The following VCL variants were observed in gnomAD, a reference collection of about 807,000 sequenced individuals.
The protein encoded by VCL is epididymis luminal protein 114.
In VCL, 47 loss-of-function variants were observed where a neutral mutation model predicts 125.7. The ratio of observed to expected loss-of-function variants is 0.37; its 90% confidence interval spans 0.30 to 0.48. The LOEUF is 0.48. Ranked by LOEUF, VCL falls within the 20% of genes least tolerant of loss-of-function variation. VCL has a pLI of 0.99. For missense variants in VCL, 1,069 were observed against 1,455.5 expected, an observed-to-expected ratio of 0.73 and a Z score of 4.32; for synonymous variants, 458 against 514.6, an observed-to-expected ratio of 0.89 and a Z score of 1.49.
At chr10:74,037,147 T>C (rs1189876226) in intron 1 of VCL, among the ~76,000 whole-genome samples, 1 of 151,606 alleles carries the variant, frequency 6.6e-6, no homozygotes, top group East Asian at 1.9e-4. Flanking sequence ...CCTGACCTTG[T>C]GATCTACCCA....
intron 2 of VCL, among the ~76,000 whole-genome samples, chr10:74,047,321 G>A (rs879287315): frequency 1.3e-5 from 2 of 152,076 alleles, no homozygotes; most frequent in Non-Finnish European, 2.9e-5. Flanking sequence ...AAAACAAACC[G>A]TGATGGATTT....
intron 1 of VCL, among the ~76,000 whole-genome samples, chr10:74,018,696 A>C (rs116033841): frequency 2.2e-4 from 34 of 152,210 alleles, no homozygotes; most frequent in African/African-American, 7.7e-4. Flanking sequence ...AAAAAAACAA[A>C]ACTAACTTCA....
chr10:74,002,672 A>G (rs1840249181), intron 1 of VCL, among the ~76,000 whole-genome samples: 1 of 151,504 alleles, frequency 6.6e-6, no homozygotes, highest in South Asian at 2.1e-4. Flanking sequence ...TCACGAGGTC[A>G]AGAGATGGAG....
chr10:74,043,017 C>T, intron 1 of VCL, 66 bp from the exon 2 acceptor site: 1 of 1,397,090 alleles, frequency 7.2e-7, no homozygotes, highest in South Asian at 1.2e-5. Context: ...TTCAAATATG[C>T]TTAAGTAATA....
In VCL at chr10:74,072,769, A is replaced by G. The variant is rs1841681941; in HGVS notation, c.539A>G (p.Gln180Arg). The G allele has an allele frequency of 6.2e-6, 10 of 1,614,006 alleles. No individual in the cohort carries two copies. Among genetic ancestry groups the G allele is most frequent in the Non-Finnish European group, 8.5e-6 (10 of 1,180,006 alleles). The change falls in exon 5 of 22, where the codon CAG (glutamine) becomes CGG (arginine). Residue 180 changes from glutamine to arginine, a missense_variant. This residue lies in a region of VCL where 760 missense variants were observed against 928.9 expected (regional missense o/e 0.82). Coordinates refer to ENST00000211998, the MANE Select transcript of VCL (RefSeq NM_014000.3). ...GCCAAGATGATTGACGAGAGACAGC[A>G]GGAGCTCACTCACCAGGAGCACCGA... ...KMAKMIDERQ[Q>R]ELTHQEHRVM...
intron 17 of VCL, among the ~76,000 whole-genome samples, chr10:74,108,555 C>T (rs917527767): frequency 2.0e-5 from 3 of 152,060 alleles, no homozygotes; most frequent in East Asian, 1.9e-4. Context: ...TCTCAGCTCA[C>T]GGCAACCTCT....
intron 1 of VCL, chr10:74,027,481 T>G (rs1840793843): frequency 6.6e-6 from 1 of 151,540 alleles, no homozygotes; most frequent in Non-Finnish European, 1.5e-5. Flanking sequence ...GCCAACATGG[T>G]GAAACCCCGC....
In VCL at chr10:74,095,685, G is replaced by A. The variant is rs1269514419; in HGVS notation, c.1573G>A (p.Glu525Lys). ...GGCTGCCATCCGGGGGCTTGTGGCC[G>A]AAGGGCATCGTCTGGCTAATGTTAT... ...GQAAIRGLVA[E>K]GHRLANVMMG... The change falls in exon 12 of 22, where the codon GAA becomes AAA. Residue 525 changes from glutamate to lysine, a missense_variant. Physicochemically the swap from Glu to Lys is moderately conservative, Grantham distance 56. This residue lies in a region of VCL where 760 missense variants were observed against 928.9 expected (regional missense o/e 0.82). Transcript: ENST00000211998. The A allele has an allele frequency of 2.5e-6, 4 of 1,613,988 alleles. No individual in the cohort carries two copies. The highest frequency in any genetic ancestry group is 3.4e-6 in the Non-Finnish European group (4 of 1,180,032).
chr10:74,117,236 T>C (rs148836314), intron 21 of VCL, among the ~76,000 whole-genome samples: 1 of 152,214 alleles, frequency 6.6e-6, no homozygotes, highest in African/African-American at 2.4e-5. Context: ...GTGCACAAAA[T>C]TGACAAAAAT....
At chr10:74,033,920 A>G (rs1054792828) in intron 1 of VCL, among the ~76,000 whole-genome samples, 1 of 151,728 alleles carries the variant, frequency 6.6e-6, no homozygotes, top group Non-Finnish European at 1.5e-5. Context: ...TGCCTTTTTT[A>G]CACCTGCCCT....
intron 13 of VCL, among the ~76,000 whole-genome samples, chr10:74,099,956 C>A (rs886843820): frequency 6.6e-6 from 1 of 152,128 alleles, no homozygotes; most frequent in Non-Finnish European, 1.5e-5. Flanking sequence ...AACCAAGAGA[C>A]CTTTAGAGAT....
At chr10:74,078,039 C>T (rs980425241) in intron 6 of VCL, among the ~76,000 whole-genome samples, 1 of 151,914 alleles carries the variant, frequency 6.6e-6, no homozygotes, top group African/African-American at 2.4e-5. Context: ...TCTAATTCTA[C>T]CCTTTGTAAA....
chr10:74,043,005 G>A, intron 1 of VCL, 78 bp from the exon 2 acceptor site: 2 of 1,352,486 alleles, frequency 1.5e-6, no homozygotes, highest in Non-Finnish European at 2.1e-6. Flanking sequence ...TTAAGTATAT[G>A]TTTCAAATAT....
At chr10:74,094,909 C>T (rs1039638932) in intron 11 of VCL, among the ~76,000 whole-genome samples, 4 of 152,066 alleles carry the variant, frequency 2.6e-5, no homozygotes, top group Admixed American at 2.0e-4. Flanking sequence ...ATTCTAACCT[C>T]AGTGACAGAG....
intron 10 of VCL, among the ~76,000 whole-genome samples, chr10:74,090,615 A>C (rs921735447): frequency 6.6e-6 from 1 of 152,112 alleles, no homozygotes; most frequent in Non-Finnish European, 1.5e-5. Context: ...GAAGCGTAAG[A>C]ATGTACTTTC....
chr10:74,060,355 T>C (rs1478200562), intron 2 of VCL, among the ~76,000 whole-genome samples: 1 of 151,630 alleles, frequency 6.6e-6, no homozygotes, highest in Non-Finnish European at 1.5e-5. Flanking sequence ...AAAAGAACCC[T>C]TAAAAAGGAC....
intron 10 of VCL, among the ~76,000 whole-genome samples, chr10:74,092,427 T>G (rs1355181218): frequency 6.6e-6 from 1 of 152,322 alleles, no homozygotes; most frequent in Middle Eastern, 3.4e-3. Context: ...TGAGGTTCTT[T>G]GGTTGGAAGG....
chr10:74,077,799 A>T, intron 6 of VCL: 1 of 451,994 alleles, frequency 2.2e-6, no homozygotes, highest in South Asian at 1.6e-5. Context: ...ATAAGTTAAG[A>T]TTTTAAAGAG....
intron 1 of VCL, among the ~76,000 whole-genome samples, chr10:74,029,222 T>C (rs2136239043): frequency 6.6e-6 from 1 of 152,126 alleles, no homozygotes; most frequent in African/African-American, 2.4e-5. Context: ...CATGCCATTC[T>C]CCTGCCTCAG....
Sources: gnomAD v4.1 joint callset for allele counts (sites outside exome capture counted in the v4.1 genomes callset) on GRCh38, gnomAD v4.1.1 for gene constraint, gnomAD v4.1.1 regional missense constraint, MANE v1.5 for transcripts, NCBI Gene and HGNC (gene_info 2026-07-23, HGNC 2026-07-21) for gene names.